SLC4A10: variants seen among roughly 807,000 people sequenced by gnomAD.
SLC4A10 encodes solute carrier family 4 member 10.
A neutral mutation model predicts 137.7 loss-of-function variants in SLC4A10; 42 were observed. That is an observed-to-expected ratio of 0.30 (90% CI 0.24 to 0.39). The LOEUF (loss-of-function observed/expected upper bound fraction) is 0.39. Ranked by LOEUF, SLC4A10 falls within the 10% of genes least tolerant of loss-of-function variation. SLC4A10 has a pLI of 1.00. For missense variants in SLC4A10, 925 were observed against 1,355.0 expected, an observed-to-expected ratio of 0.68 and a Z score of 4.98; for synonymous variants, 474 against 464.1, an observed-to-expected ratio of 1.02 and a Z score of -0.27.
intron 1 of SLC4A10, among the ~76,000 whole-genome samples, chr2:161,626,964 C>T (rs1158822463): frequency 6.6e-6 from 1 of 152,008 alleles, no homozygotes; most frequent in Admixed American, 6.6e-5. Context: ...ATATTTAGAA[C>T]TCAGTCAAGG....
chr2:161,852,933 G>T (rs1371857104), intron 4 of SLC4A10, among the ~76,000 whole-genome samples: 2 of 152,050 alleles, frequency 1.3e-5, no homozygotes, highest in Non-Finnish European at 2.9e-5. Flanking sequence ...TAGCTGTATA[G>T]AAAAAATATA....
At chr2:161,706,988 G>A (rs1157634137) in intron 1 of SLC4A10, among the ~76,000 whole-genome samples, 1 of 151,468 alleles carries the variant, frequency 6.6e-6, no homozygotes, top group Non-Finnish European at 1.5e-5. Flanking sequence ...TATAGTACCT[G>A]ACACATAGAA....
At chr2:161,983,033 C>G (rs950489437) in intron 26 of SLC4A10, 146 bp from the exon 27 acceptor site, 1 of 640,098 alleles carries the variant, frequency 1.6e-6, no homozygotes, top group Middle Eastern at 2.8e-4. Flanking sequence ...TTGTTGCTGT[C>G]TATCTGTGCT....
At chr2:161,844,960 T>C (rs565442987) in intron 4 of SLC4A10, among the ~76,000 whole-genome samples, 3 of 152,260 alleles carry the variant, frequency 2.0e-5, no homozygotes, top group East Asian at 3.9e-4. Context: ...TATTTATTTA[T>C]TTTTTAGCAT....
chr2:161,888,343 G>A (rs967245119), intron 10 of SLC4A10, among the ~76,000 whole-genome samples: 3 of 152,160 alleles, frequency 2.0e-5, no homozygotes, highest in Admixed American at 1.3e-4. Flanking sequence ...GTCAATGGTA[G>A]CTTGATGGGG....
intron 19 of SLC4A10, among the ~76,000 whole-genome samples, chr2:161,952,941 C>T (rs972272268): frequency 6.6e-6 from 1 of 152,210 alleles, no homozygotes; most frequent in African/African-American, 2.4e-5. Flanking sequence ...TGCAAAGTCT[C>T]CTGGCTTTGA....
At chr2:161,901,102 T>A (rs755304036) in intron 12 of SLC4A10, 91 bp downstream of exon 12, 3 of 947,576 alleles carry the variant, frequency 3.2e-6, no homozygotes, top group Non-Finnish European at 1.7e-6. Flanking sequence ...TCTAATTTAT[T>A]GTATACTTTT....
At chr2:161,655,791 G>A (rs1449879456) in intron 1 of SLC4A10, among the ~76,000 whole-genome samples, 1 of 151,090 alleles carries the variant, frequency 6.6e-6, no homozygotes. Flanking sequence ...CTAGCGAATT[G>A]TAGTCAACAC....
intron 15 of SLC4A10, among the ~76,000 whole-genome samples, chr2:161,926,890 A>C (rs1300279580): frequency 1.3e-5 from 2 of 151,182 alleles, no homozygotes; most frequent in Non-Finnish European, 3.0e-5. Flanking sequence ...ATTGGCCCCC[A>C]CTCTCTTCTG....
chr2:161,937,250 A>C (rs1205352018), intron 15 of SLC4A10, among the ~76,000 whole-genome samples: 1 of 152,204 alleles, frequency 6.6e-6, no homozygotes, highest in African/African-American at 2.4e-5. Flanking sequence ...CTGGACCTTA[A>C]ATGATGGCAG....
At chr2:161,718,331 T>C (rs995035316) in intron 1 of SLC4A10, among the ~76,000 whole-genome samples, 2 of 152,174 alleles carry the variant, frequency 1.3e-5, no homozygotes, top group East Asian at 1.9e-4. Flanking sequence ...TCTTGTCTTC[T>C]GCTAGCTTTG....
At chr2:161,643,824 T>G (rs1331593380) in intron 1 of SLC4A10, among the ~76,000 whole-genome samples, 1 of 152,170 alleles carries the variant, frequency 6.6e-6, no homozygotes, top group African/African-American at 2.4e-5. Flanking sequence ...AATTAATTGA[T>G]TCAAGTAGAA....
At chr2:161,760,588 A>T (rs1257644570) in intron 1 of SLC4A10, among the ~76,000 whole-genome samples, 3 of 152,002 alleles carry the variant, frequency 2.0e-5, no homozygotes, top group Non-Finnish European at 4.4e-5. Flanking sequence ...TTGTTTTGAT[A>T]CTTATGACTA....
At chr2:161,877,399 A>C (rs936351468) in intron 8 of SLC4A10, among the ~76,000 whole-genome samples, 5 of 152,094 alleles carry the variant, frequency 3.3e-5, no homozygotes, top group Non-Finnish European at 7.4e-5. Context: ...TTATTCTTTT[A>C]GTAACAGAAA....
At chr2:161,690,133 G>A (rs991356020) in intron 1 of SLC4A10, among the ~76,000 whole-genome samples, 7 of 152,076 alleles carry the variant, frequency 4.6e-5, no homozygotes, top group African/African-American at 1.7e-4. Flanking sequence ...AAGTGGGTAA[G>A]GGACATGAAC....
chr2:161,875,183 C>G (rs2061387293), intron 8 of SLC4A10, among the ~76,000 whole-genome samples: 1 of 152,082 alleles, frequency 6.6e-6, no homozygotes. Context: ...TTGAAAAGAG[C>G]AATTGTGATC....
At chr2:161,840,043 T>A in intron 4 of SLC4A10, 116 bp downstream of exon 4, 1 of 1,296,960 alleles carries the variant, frequency 7.7e-7, no homozygotes, top group Non-Finnish European at 1.1e-6. Context: ...ATTTTAGAAG[T>A]TGCTCATCTA....
At chr2:161,806,145 C>T (rs1014849002) in intron 3 of SLC4A10, among the ~76,000 whole-genome samples, 1 of 152,150 alleles carries the variant, frequency 6.6e-6, no homozygotes, top group Non-Finnish European at 1.5e-5. Flanking sequence ...CTACATTTGT[C>T]CCTTTCAGCT....
intron 10 of SLC4A10, among the ~76,000 whole-genome samples, chr2:161,883,019 T>C (rs1479783164): frequency 6.6e-6 from 1 of 152,114 alleles, no homozygotes; most frequent in African/African-American, 2.4e-5. Context: ...TGGAAAAAGC[T>C]TTCATCAGCT....
Sources: gnomAD v4.1 joint callset for allele counts (sites outside exome capture counted in the v4.1 genomes callset) on GRCh38, gnomAD v4.1.1 for gene constraint, MANE v1.5 for transcripts, NCBI Gene and HGNC (gene_info 2026-07-23, HGNC 2026-07-21) for gene names.